The following FAT3 variants were observed in gnomAD, a reference collection of about 807,000 sequenced individuals.
FAT3 encodes the protein FAT atypical cadherin 3.
In FAT3, 95 loss-of-function variants were observed where a neutral mutation model predicts 310.2. The ratio of observed to expected loss-of-function variants is 0.31; its 90% confidence interval spans 0.26 to 0.36. The LOEUF (loss-of-function observed/expected upper bound fraction) is 0.36, where lower values mean the gene tolerates loss of function less well. Among genes scored for constraint, FAT3 ranks in the 10% least tolerant of loss-of-function variants. The probability of loss-of-function intolerance (pLI) is 1.00; values close to 1 mark genes in which losing one functional copy is unlikely to be tolerated. For synonymous variants in FAT3, 2,314 were observed against 2,192.9 expected, an observed-to-expected ratio of 1.06 and a Z score of -1.54; for missense variants, 5,408 against 5,715.6, an observed-to-expected ratio of 0.95 and a Z score of 1.74.
At chr11:92,750,831 A>C (rs184832681) in intron 4 of FAT3, among the ~76,000 whole-genome samples, 17 of 152,348 alleles carry the variant, frequency 1.1e-4, no homozygotes, top group African/African-American at 3.8e-4. Flanking sequence ...CCCCAGTATG[A>C]ATGTAAAAAT....
In FAT3 at chr11:92,354,957, C is replaced by T; in HGVS notation, c.2845C>T (p.Leu949Phe). ...CTATAGTGTGAAGGTTCTTGAAGAT[C>T]TCCCTGTTGGCACTGTCATTGCTTG... ...SSYSVKVLEDLPVGTVIAWLE... is the reference protein window; with the variant it reads ...SSYSVKVLEDFPVGTVIAWLE... The change falls in exon 2 of 28, where the codon CTC (leucine) becomes TTC (phenylalanine). Residue 949 changes from leucine (L) to phenylalanine (F), a missense_variant. By Grantham distance (22) the Leu-to-Phe change is conservative. Coordinates refer to ENST00000525166, the MANE Select transcript of FAT3 (RefSeq NM_001367949.2). 1 of 1,613,882 alleles carries T rather than the reference C, an allele frequency of 6.2e-7. No homozygotes were observed. The highest frequency in any genetic ancestry group is 8.5e-7 in the Non-Finnish European group (1 of 1,179,852).
intron 1 of FAT3, among the ~76,000 whole-genome samples, chr11:92,265,884 C>G (rs552946457): frequency 1.3e-4 from 20 of 152,180 alleles, no homozygotes; most frequent in African/African-American, 3.6e-4. Context: ...AGATTCAACA[C>G]ATACATCTTT....
intron 2 of FAT3, among the ~76,000 whole-genome samples, chr11:92,489,276 TA>T (rs1244224586): frequency 6.6e-6 from 1 of 152,134 alleles, no homozygotes; most frequent in Non-Finnish European, 1.5e-5. Context: ...ACAGGAATAG[TA>T]AAAAATTACA....
At chr11:92,442,744 A>G (rs646649) in intron 2 of FAT3, among the ~76,000 whole-genome samples, 132,415 of 152,004 alleles carry the variant, frequency 0.87, 57,761 homozygotes, top group African/African-American at 0.89. Flanking sequence ...GGACCATATC[A>G]TCACAACCCC....
At chr11:92,598,566 A>C (rs1939841917) in intron 3 of FAT3, among the ~76,000 whole-genome samples, 1 of 152,126 alleles carries the variant, frequency 6.6e-6, no homozygotes, top group South Asian at 2.1e-4. Context: ...TGAGTGAGAG[A>C]GTATGGATGC....
chr11:92,815,430 G>A (rs752542569), intron 13 of FAT3, among the ~76,000 whole-genome samples: 54 of 151,968 alleles, frequency 3.6e-4, no homozygotes, highest in East Asian at 5.8e-4. Context: ...AAAATTCGCC[G>A]GGCGTGGCAG....
chr11:92,758,372 C>T (rs1946058350), intron 4 of FAT3, among the ~76,000 whole-genome samples: 2 of 152,142 alleles, frequency 1.3e-5, no homozygotes, highest in African/African-American at 4.8e-5. Flanking sequence ...CAGGGAATGG[C>T]TTTACAGGAA....
intron 2 of FAT3, among the ~76,000 whole-genome samples, chr11:92,517,950 T>A (rs1242242023): frequency 1.3e-5 from 2 of 152,054 alleles, no homozygotes; most frequent in Non-Finnish European, 2.9e-5. Flanking sequence ...AGAATGACAA[T>A]CATTAAAAAG....
rs561983278 is a variant in FAT3, at chr11:92,810,024, C to T, written c.9429C>T (p.Asn3143=). The T allele has an allele frequency of 6.2e-7, 1 of 1,613,974 alleles. No homozygotes were observed. The highest frequency in any genetic ancestry group is 1.3e-5 in the African/African-American group (1 of 75,060). The part of the protein sequence containing the change: ...SDHYNTCVYE[N]TATKALLTRV... ...ACTACAACACCTGTGTCTATGAGAACACAGCCACCAAGGCTCTGTTGACCA... is the reference window on the plus strand; with the variant it reads ...ACTACAACACCTGTGTCTATGAGAATACAGCCACCAAGGCTCTGTTGACCA... Residue 3143 remains asparagine, a synonymous_variant, in exon 13 of 28, where the codon AAC becomes AAT. Coordinates refer to ENST00000525166, the MANE Select transcript of FAT3 (RefSeq NM_001367949.2).
chr11:92,639,410 CAG>C (rs1941878746), intron 3 of FAT3, among the ~76,000 whole-genome samples: 1 of 152,218 alleles, frequency 6.6e-6, no homozygotes, highest in African/African-American at 2.4e-5. Flanking sequence ...GGGAGCATCA[CAG>C]AGTCCTGTAG....
chr11:92,286,607 T>A (rs770760975), intron 1 of FAT3, among the ~76,000 whole-genome samples: 18 of 152,168 alleles, frequency 1.2e-4, no homozygotes, highest in Non-Finnish European at 1.5e-4. Flanking sequence ...TAGAAAAGCT[T>A]CACATTTCTC....
chr11:92,522,278 T>C (rs1356795959), intron 2 of FAT3, among the ~76,000 whole-genome samples: 1 of 152,142 alleles, frequency 6.6e-6, no homozygotes, highest in Non-Finnish European at 1.5e-5. Flanking sequence ...CTGACTGCTA[T>C]GAGAGTTCCA....
Position 92,324,695 on chromosome 11 carries a change from T to C in FAT3, c.-17-27401T>C, listed in dbSNP as rs377449143. ...ATGTGAGAACATGCTGTTGGAAAAA[T>C]GGCGCCGATAGACTTGCTCAAAGCA... is the stretch of plus-strand genomic sequence containing the variant. On this transcript the variant is annotated intron_variant, in intron 1 of 27. Transcript: ENST00000525166. 2.2e-4 allele frequency among the ~76,000 whole-genome samples: 33 copies of C among 152,248 alleles called. 1 individual carries two copies. The South Asian group carries it at 6.6e-3, about 31-fold the overall frequency.
At chr11:92,414,094 G>GCT (rs1182822297) in intron 2 of FAT3, among the ~76,000 whole-genome samples, 1 of 152,102 alleles carries the variant, frequency 6.6e-6, no homozygotes, top group East Asian at 1.9e-4. Flanking sequence ...GGTTAATGAT[G>GCT]CTCAGTCCTT....
intron 3 of FAT3, among the ~76,000 whole-genome samples, chr11:92,589,372 T>A (rs1424308601): frequency 2.6e-5 from 4 of 152,098 alleles, no homozygotes; most frequent in Non-Finnish European, 5.9e-5. Context: ...CACAGATCCA[T>A]GTGTTATGGC....
chr11:92,310,293 T>C (rs1306421661), intron 1 of FAT3, among the ~76,000 whole-genome samples: 2 of 152,188 alleles, frequency 1.3e-5, no homozygotes, highest in Non-Finnish European at 1.5e-5. Context: ...TTAGAGACTA[T>C]TTAAATGAAG....
chr11:92,712,281 G>T (rs534959878), intron 4 of FAT3, among the ~76,000 whole-genome samples: 1 of 152,130 alleles, frequency 6.6e-6, no homozygotes, highest in Non-Finnish European at 1.5e-5. Flanking sequence ...TTCCAACTTG[G>T]AGCTATTAAG....
chr11:92,833,403 T>A (rs916555435), intron 14 of FAT3, among the ~76,000 whole-genome samples: 1 of 152,090 alleles, frequency 6.6e-6, no homozygotes, highest in African/African-American at 2.4e-5. Flanking sequence ...AAACAAGAAA[T>A]CATTATAATT....
At chr11:92,489,184 A>G (rs1332777434) in intron 2 of FAT3, among the ~76,000 whole-genome samples, 1 of 152,102 alleles carries the variant, frequency 6.6e-6, no homozygotes, top group Non-Finnish European at 1.5e-5. Flanking sequence ...CACTTTCTAG[A>G]TGATAAATTC....
Sources: gnomAD v4.1 joint callset for allele counts (sites outside exome capture counted in the v4.1 genomes callset) on GRCh38, gnomAD v4.1.1 for gene constraint, MANE v1.5 for transcripts, NCBI Gene and HGNC (gene_info 2026-07-23, HGNC 2026-07-21) for gene names.